The following MAP7 variants were observed in gnomAD, a reference collection of about 807,000 sequenced individuals.
MAP7 encodes ensconsin.
MAP7 carries 52 observed loss-of-function variants against 94.8 expected under a neutral mutation model. The observed-to-expected ratio is 0.55, with a 90% confidence interval of 0.44 to 0.69. The LOEUF (loss-of-function observed/expected upper bound fraction) is 0.69, where lower values mean the gene tolerates loss of function less well. MAP7 is among the 30% of genes least tolerant of loss of function. MAP7 has a pLI of 0.00. For missense variants in MAP7, 940 were observed against 964.6 expected, an observed-to-expected ratio of 0.97 and a Z score of 0.34; for synonymous variants, 350 against 357.0, an observed-to-expected ratio of 0.98 and a Z score of 0.22.
intron 7 of MAP7, among the ~76,000 whole-genome samples, chr6:136,375,938 C>G (rs1166761746): frequency 6.6e-6 from 1 of 152,064 alleles, no homozygotes; most frequent in Non-Finnish European, 1.5e-5. Flanking sequence ...TTGGAAAAGA[C>G]TAGAGGGAGA....
At chr6:136,494,479 T>C (rs994411316) in intron 1 of MAP7, among the ~76,000 whole-genome samples, 2 of 152,152 alleles carry the variant, frequency 1.3e-5, no homozygotes, top group Non-Finnish European at 2.9e-5. Context: ...GCAGAAAAAT[T>C]CACTGTTAAA....
intron 1 of MAP7, among the ~76,000 whole-genome samples, chr6:136,496,359 AAAT>A (rs1818223432): frequency 6.6e-6 from 1 of 152,228 alleles, no homozygotes; most frequent in Admixed American, 6.5e-5. Context: ...TACAACTAAT[AAAT>A]GGATAGGATG....
intron 1 of MAP7, among the ~76,000 whole-genome samples, chr6:136,494,704 G>T (rs896604413): frequency 5.3e-5 from 8 of 152,148 alleles, no homozygotes; most frequent in African/African-American, 1.9e-4. Context: ...CGAGATGAAA[G>T]ATTGTATTGA....
At chr6:136,392,325 T>C (rs57881706) in intron 3 of MAP7, among the ~76,000 whole-genome samples, 2,499 of 151,074 alleles carry the variant, frequency 0.017, 42 homozygotes, top group East Asian at 0.038. Flanking sequence ...GGGATCCACC[T>C]GTCTTGGCCT....
intron 1 of MAP7, among the ~76,000 whole-genome samples, chr6:136,443,233 C>T (rs1461299929): frequency 6.6e-6 from 1 of 152,054 alleles, no homozygotes; most frequent in Non-Finnish European, 1.5e-5. Context: ...GATGCTCATG[C>T]TACTTTAGGT....
At chr6:136,351,019 C>T (rs989846228) in intron 16 of MAP7, among the ~76,000 whole-genome samples, 2 of 151,956 alleles carry the variant, frequency 1.3e-5, no homozygotes, top group African/African-American at 2.4e-5. Context: ...AATGTTTATT[C>T]TTGGAAATGC....
At chr6:136,480,641 C>CAAAAAAAAA (rs769951186) in intron 1 of MAP7, among the ~76,000 whole-genome samples, 1 of 20,156 alleles carries the variant, frequency 5.0e-5, no homozygotes, top group Non-Finnish European at 9.0e-5. Context: ...GACTCTGCCT[C>CAAAAAAAAA]AAAAAAAAAA....
intron 3 of MAP7, among the ~76,000 whole-genome samples, chr6:136,410,271 G>A (rs961683645): frequency 1.3e-5 from 2 of 152,142 alleles, no homozygotes; most frequent in African/African-American, 4.8e-5. Flanking sequence ...GGGAAGAGGG[G>A]GAAAAGGACA....
At chr6:136,360,639 C>T (rs1490005498) in intron 13 of MAP7, 58 bp downstream of exon 13, 4 of 1,494,624 alleles carry the variant, frequency 2.7e-6, no homozygotes, top group Admixed American at 3.4e-5. Context: ...CAGGGCTAGT[C>T]TCTGGGTCTT....
intron 1 of MAP7, among the ~76,000 whole-genome samples, chr6:136,451,427 G>A (rs1385256946): frequency 6.6e-6 from 1 of 152,182 alleles, no homozygotes; most frequent in Non-Finnish European, 1.5e-5. Flanking sequence ...CTGCTGTTCA[G>A]AAGAAAAGAT....
intron 1 of MAP7, among the ~76,000 whole-genome samples, chr6:136,460,039 C>G (rs947059311): frequency 6.6e-6 from 1 of 151,994 alleles, no homozygotes; most frequent in African/African-American, 2.4e-5. Context: ...TTTGAGGCAC[C>G]CACTTTTGAA....
At chr6:136,504,364 G>T (rs141939109) in intron 1 of MAP7, among the ~76,000 whole-genome samples, 21 of 151,540 alleles carry the variant, frequency 1.4e-4, no homozygotes, top group Non-Finnish European at 2.5e-4. Flanking sequence ...TTTTTTTTGG[G>T]GGGGAACAGA....
chr6:136,394,947 T>TAC (rs1554243194), intron 3 of MAP7, among the ~76,000 whole-genome samples: 2 of 107,116 alleles, frequency 1.9e-5, no homozygotes, highest in African/African-American at 8.1e-5. Flanking sequence ...TATATATATA[T>TAC]ATATATATAT....
intron 1 of MAP7, among the ~76,000 whole-genome samples, chr6:136,489,808 CG>C (rs1433905902): frequency 1.3e-5 from 2 of 151,930 alleles, no homozygotes; most frequent in African/African-American, 4.8e-5. Flanking sequence ...GGATTACAGG[CG>C]TGAGTCACCG....
In MAP7 at chr6:136,502,336, T is replaced by G. The variant is rs1051423427; in HGVS notation, c.67+48006A>C. On this transcript the variant is annotated intron_variant, in intron 1 of 17. Coordinates refer to ENST00000354570, the MANE Select transcript of MAP7 (RefSeq NM_003980.6). The stretch of plus-strand genomic sequence containing the variant: ...CACATAGACATCCCACACAGAATTA[T>G]TCCCTGGCCAGATAAGTATACTACA... Among the ~76,000 whole-genome samples the G allele has an allele frequency of 2.6e-5, 4 of 152,374 alleles. No individual in the cohort carries two copies. The South Asian group carries it at 6.2e-4, about 24-fold the overall frequency.
chr6:136,402,882 G>C (rs1479524025), intron 3 of MAP7, among the ~76,000 whole-genome samples: 6 of 116,434 alleles, frequency 5.2e-5, no homozygotes, highest in Admixed American at 1.2e-4. Context: ...CTCCGGCCTG[G>C]GCGAAAGAGC....
rs778359293 is a variant in MAP7, at chr6:136,360,051, G to A, written c.1804-20C>T. 17 of 1,598,010 alleles carry A rather than the reference G, an allele frequency of 1.1e-5. No homozygotes were observed. The highest frequency in any genetic ancestry group is 1.7e-5 in the Admixed American group (1 of 57,616). On this transcript the variant is annotated intron_variant, in intron 13 of 17. Transcript: ENST00000354570. ...AAGTCGCTATAGGAAAGGAAGAATT[G>A]AGCAAGAAGATTAGACACAGAAAAA...
At chr6:136,345,297 T>C (rs1787358360) in intron 17 of MAP7, among the ~76,000 whole-genome samples, 1 of 152,236 alleles carries the variant, frequency 6.6e-6, no homozygotes, top group African/African-American at 2.4e-5. Context: ...TTAAGATCTT[T>C]AGACTCAGTG....
intron 16 of MAP7, among the ~76,000 whole-genome samples, chr6:136,351,410 T>C (rs1789178400): frequency 6.6e-6 from 1 of 152,206 alleles, no homozygotes; most frequent in South Asian, 2.1e-4. Flanking sequence ...AAGATAATGA[T>C]ATGTAACATT....
Sources: allele counts gnomAD v4.1 joint callset (sites outside exome capture counted in the v4.1 genomes callset), GRCh38; gene constraint gnomAD v4.1.1; transcripts MANE v1.5; gene names NCBI Gene and HGNC (gene_info 2026-07-23, HGNC 2026-07-21).